SEMA3F: variants seen among roughly 807,000 people sequenced by gnomAD.
SEMA3F encodes semaphorin-3F.
Under a neutral mutation model 98.5 loss-of-function variants are expected in SEMA3F, and 30 were observed. The ratio of observed to expected loss-of-function variants is 0.30; its 90% CI spans 0.23 to 0.41. SEMA3F has a LOEUF of 0.41. Among genes scored for constraint, SEMA3F ranks in the 10% least tolerant of loss-of-function variants. The pLI is 1.00. For missense variants in SEMA3F, 866 were observed against 1,119.3 expected, an observed-to-expected ratio of 0.77 and a Z score of 3.23; for synonymous variants, 380 against 444.8, an observed-to-expected ratio of 0.85 and a Z score of 1.83.
chr3:50,165,819 G>A (rs1191020055), intron 2 of SEMA3F, among the ~76,000 whole-genome samples: 1 of 152,216 alleles, frequency 6.6e-6, no homozygotes, highest in Non-Finnish European at 1.5e-5. Flanking sequence ...GGGAGAGGGT[G>A]GAGGCCTCCT....
chr3:50,188,718 T>C lies in SEMA3F; in HGVS notation c.*603T>C, dbSNP rs14321. 103,545 of 152,574 alleles carry C rather than the reference T, an allele frequency of 0.68. 35,756 individuals are homozygous for C. The highest frequency in any genetic ancestry group is 0.99 in the East Asian group (5,121 of 5,168). The allele number at this position is 152,574 out of a possible 1,614,324, so 9.5% of individuals were successfully genotyped here. A position where few individuals can be genotyped will look rare whatever the true frequency, so the allele number is the denominator to read the frequency against. On this transcript the variant is annotated 3_prime_UTR_variant, in exon 19 of 19. Transcript: ENST00000002829. This position sits in a 1 kb window ranked among gnomAD's most constrained non-coding sequence, Gnocchi z 4.5. The stretch of plus-strand genomic sequence containing the variant: ...GGCATCCTGCCTGGGTGGGACAGCC[T>C]CTTCAGCCCCTTCTCCCCTCCCCGC...
intron 17 of SEMA3F, 22 bp downstream of exon 17, chr3:50,186,370 G>T: frequency 1.2e-6 from 2 of 1,609,262 alleles, no homozygotes; most frequent in Non-Finnish European, 1.7e-6. Flanking sequence ...GGGCCTCACT[G>T]TGGGGTGCTG....
chr3:50,155,950 C>T lies in SEMA3F; in HGVS notation c.-49+386C>T, dbSNP rs2021734. 8,153 of 152,294 alleles carry T rather than the reference C, an allele frequency of 0.054. 1,569 individuals carry two copies. The East Asian group carries it at 0.61, about 11-fold the overall frequency. The allele number at this position is 152,294 out of a possible 1,614,324, so 9.4% of individuals were successfully genotyped here. ...TTAACGCCCGAGGCAGCGCTCTTCC[C>T]CGTAGATGCGCTTGCCCTACCTCAG... On this transcript the variant is annotated intron_variant, in intron 1 of 18. Transcript: ENST00000002829. This position sits in a 1 kb window ranked among gnomAD's most constrained non-coding sequence, Gnocchi z 4.9.
At position 50,187,719 on chromosome 3, in the gene SEMA3F, C is replaced by T. The variant is rs770593817; in HGVS notation, c.1962C>T (p.Asp654=). The change falls in exon 19 of 19, where the codon GAC becomes GAT. Residue 654 remains aspartate, a synonymous_variant. Coordinates refer to ENST00000002829, the MANE Select transcript of SEMA3F (RefSeq NM_004186.5). ...TGCCCCTGCAGATTCGTGCAGAGGA[C>T]CGCTTCCTGCGCACAGAGCAGGGCT... ...GDRRREIRAE[D]RFLRTEQGLL... is the part of the protein sequence containing the mutation. The T allele has an allele frequency of 1.3e-6, 2 of 1,594,618 alleles. No homozygotes were observed. Among genetic ancestry groups the T allele is most frequent in the Non-Finnish European group, 1.7e-6 (2 of 1,166,426 alleles).
At position 50,176,828 on chromosome 3, in the gene SEMA3F, G is replaced by C; in HGVS notation, c.610G>C (p.Asp204His). 6.2e-7 allele frequency: 1 copy of C among 1,613,716 alleles called. No homozygotes were observed. The highest frequency in any genetic ancestry group is 8.5e-7 in the Non-Finnish European group (1 of 1,179,960). The change falls in exon 7 of 19, where the codon GAT becomes CAT. Residue 204 changes from aspartate (D) to histidine (H), a missense_variant. Asp to His is a moderately conservative substitution (Grantham distance 81). This residue lies in a region of SEMA3F where 374 missense variants were observed against 582.8 expected (regional missense o/e 0.64). Coordinates refer to ENST00000002829, the MANE Select transcript of SEMA3F (RefSeq NM_004186.5). ...LESGKGKCPY[D>H]PKLDTASALI... ...GTCAGGGAAGGGCAAGTGTCCGTAC[G>C]ATCCCAAGCTGGACACAGCATCGGC...
In SEMA3F at chr3:50,175,162, C is replaced by T. The variant is rs372800240; in HGVS notation, c.523C>T (p.Arg175Cys). The change falls in exon 6 of 19, where the codon CGC (arginine) becomes TGC (cysteine). Residue 175 changes from arginine to cysteine, a missense_variant. Transcript: ENST00000002829. ...RGSRATDGAL[R>C]PMPTAPRQDY... ...CAGCAGAGCCACGGATGGTGCCCTC[C>T]GCCCGATGCCCACAGCCCCACGCCA... 56 of 1,605,698 alleles carry T rather than the reference C, an allele frequency of 3.5e-5. No homozygotes were observed. The highest frequency in any genetic ancestry group is 4.2e-5 in the Non-Finnish European group (50 of 1,176,688).
chr3:50,160,169 G>C (rs1047934487), intron 2 of SEMA3F, among the ~76,000 whole-genome samples: 2 of 152,182 alleles, frequency 1.3e-5, no homozygotes, highest in African/African-American at 4.8e-5. Flanking sequence ...GGAACCTCTG[G>C]ACACTGGAAG....
At position 50,174,218 on chromosome 3, in the gene SEMA3F, C is replaced by T; in HGVS notation, c.337-13C>T. The T allele has an allele frequency of 1.2e-6, 2 of 1,613,728 alleles. No homozygotes were observed. The highest frequency in any genetic ancestry group is 2.2e-5 in the East Asian group (1 of 44,874). ...TGGCCAGGGCACCTATGCAGCCTTC[C>T]CTGTGGCCCCAGGGCGAGTGTGGGA... On this transcript the variant is annotated splice_polypyrimidine_tract_variant and intron_variant, in intron 4 of 18. Transcript: ENST00000002829.
rs775031605 is a variant in SEMA3F, at chr3:50,187,861, G to A, written c.2104G>A (p.Val702Ile). Reference sequence around the variant, plus strand: ...GCTGCATGTACTGGGCCGGGACGCCGTCCATGCTGCCCTCTTCCCACCACT... The same window carrying A: ...GCTGCATGTACTGGGCCGGGACGCCATCCATGCTGCCCTCTTCCCACCACT... Reference protein sequence around the residue: ...VQLHVLGRDAVHAALFPPLSM... With the variant: ...VQLHVLGRDAIHAALFPPLSM... The change falls in exon 19 of 19, where the codon GTC (valine) becomes ATC (isoleucine). Residue 702 changes from valine to isoleucine, a missense_variant. Physicochemically the swap from Val to Ile is conservative, Grantham distance 29. Coordinates refer to ENST00000002829, the MANE Select transcript of SEMA3F (RefSeq NM_004186.5). 2.4e-5 allele frequency: 38 copies of A among 1,613,062 alleles called. No individual in the cohort carries two copies. Among genetic ancestry groups the A allele is most frequent in the Admixed American group, 1.2e-4 (7 of 60,000 alleles).
chr3:50,161,619 A>G (rs540315676), intron 2 of SEMA3F, among the ~76,000 whole-genome samples: 3 of 152,316 alleles, frequency 2.0e-5, no homozygotes, highest in Non-Finnish European at 4.4e-5. Flanking sequence ...CCTGCCCTGA[A>G]TGACCTTCCC....
At position 50,175,080 on chromosome 3, in the gene SEMA3F, T is replaced by G; in HGVS notation, c.457-16T>G. 5.7e-6 allele frequency: 9 copies of G among 1,574,088 alleles called. No homozygotes were observed. The highest frequency in any genetic ancestry group is 1.3e-5 in the African/African-American group (1 of 74,202). ...CTGCCACCCCCAGCTCTAACCCCTG[T>G]TCCTCGTCTTCTCAGGCCACACCAT... On this transcript the variant is annotated splice_polypyrimidine_tract_variant and intron_variant, in intron 5 of 18. Coordinates refer to ENST00000002829, the MANE Select transcript of SEMA3F (RefSeq NM_004186.5).
chr3:50,176,751 C>G lies in SEMA3F; in HGVS notation c.550-17C>G. The G allele has an allele frequency of 6.3e-7, 1 of 1,581,442 alleles. No homozygotes were observed. The highest frequency in any genetic ancestry group is 1.1e-5 in the South Asian group (1 of 90,486). On this transcript the variant is annotated splice_polypyrimidine_tract_variant and intron_variant, in intron 6 of 18. Transcript: ENST00000002829. ...GGGACTGGCCTGGACGATGCTGAGC[C>G]CCGCTCTGCCTTACAGGATTACATC...
intron 1 of SEMA3F, 172 bp from the exon 2 acceptor site, chr3:50,159,403 C>A (rs945458292): frequency 2.0e-4 from 104 of 517,934 alleles, no homozygotes; most frequent in Non-Finnish European, 2.8e-4. Context: ...GTACTATCTC[C>A]CCAGACAAAG....
Position 50,159,570 on chromosome 3 carries a change from C to G in SEMA3F, c.-48-5C>G. ...ACACATTCCAATCTTGGTTCCCCTT[C>G]CCAGGTTTCTAGAGAGTGGAGCCTG... On this transcript the variant is annotated splice_region_variant and splice_polypyrimidine_tract_variant and intron_variant, in intron 1 of 18. Transcript: ENST00000002829. 1 of 1,120,934 alleles carries G rather than the reference C, an allele frequency of 8.9e-7. No homozygotes were observed. The highest frequency in any genetic ancestry group is 1.3e-6 in the Non-Finnish European group (1 of 759,316). 69.4% of individuals were successfully genotyped at this position (1,120,934 alleles called of 1,614,324 possible).
chr3:50,174,948 A>G (rs183672786), intron 5 of SEMA3F, 148 bp from the exon 6 acceptor site: 1 of 645,220 alleles, frequency 1.5e-6, no homozygotes, highest in Non-Finnish European at 2.9e-6. Context: ...GCCTGTGTGT[A>G]TGTATGTACA....
rs570718364 is a variant in SEMA3F at position 50,166,425 on chromosome 3, G to A, written c.112+6691G>A. 6.6e-6 allele frequency among the ~76,000 whole-genome samples: 1 copy of A among 152,304 alleles called. No individual in the cohort carries two copies. The highest frequency in any genetic ancestry group is 6.5e-5 in the Admixed American group (1 of 15,300). ...CAGGGGGCCTCTCCCAGGGCTGCCT[G>A]TATTGCCATTTTTATCAGCGCCTTC... is the stretch of plus-strand genomic sequence containing the variant. On this transcript the variant is annotated intron_variant, in intron 2 of 18. Transcript: ENST00000002829. The surrounding 1 kb of genome is among the most constrained non-coding windows in gnomAD (Gnocchi z 4.7).
At chr3:50,185,614 A>G in intron 14 of SEMA3F, 52 bp from the exon 15 acceptor site, 1 of 1,613,376 alleles carries the variant, frequency 6.2e-7, no homozygotes, top group East Asian at 2.2e-5. Flanking sequence ...CCTCTAGGTC[A>G]GGGCAGGGAG....
At chr3:50,176,665 G>A (rs1318010364) in intron 6 of SEMA3F, 103 bp from the exon 7 acceptor site, 1 of 824,130 alleles carries the variant, frequency 1.2e-6, no homozygotes. Flanking sequence ...GTGGGCTCGG[G>A]GTATGCCTGG....
At chr3:50,163,987 T>C (rs1698311338) in intron 2 of SEMA3F, among the ~76,000 whole-genome samples, 1 of 152,202 alleles carries the variant, frequency 6.6e-6, no homozygotes, top group Admixed American at 6.5e-5. Context: ...AGTGGCCGCT[T>C]TGGAGTTGGG....
Sources: allele counts gnomAD v4.1 joint callset (sites outside exome capture counted in the v4.1 genomes callset), GRCh38; gene constraint gnomAD v4.1.1; regional missense constraint gnomAD v4.1.1; non-coding constraint Gnocchi (gnomAD v3.1); transcripts MANE v1.5; gene names NCBI Gene and HGNC (gene_info 2026-07-23, HGNC 2026-07-21).